The following NELL1 variants were observed in gnomAD, a reference collection of about 807,000 sequenced individuals.
NELL1 encodes the protein neural EGFL like 1.
A neutral mutation model predicts 107.4 loss-of-function variants in NELL1; 76 were observed. The observed-to-expected ratio is 0.71, with a 90% CI of 0.59 to 0.86. The LOEUF (loss-of-function observed/expected upper bound fraction) is 0.86. Among genes scored for constraint, NELL1 ranks in the 40% least tolerant of loss-of-function variants. The pLI is 0.00. For synonymous variants in NELL1, 353 were observed against 341.2 expected (o/e 1.03, Z -0.38); for missense variants, 1,024 against 1,005.5 (o/e 1.02, Z -0.25).
At chr11:20,966,968 C>A (rs750148705) in intron 12 of NELL1, among the ~76,000 whole-genome samples, 2 of 152,128 alleles carry the variant, frequency 1.3e-5, no homozygotes, top group Non-Finnish European at 2.9e-5. Flanking sequence ...AAGCTCTGCC[C>A]TTAGGAATGA....
At chr11:21,301,596 G>T (rs1405756948) in intron 14 of NELL1, among the ~76,000 whole-genome samples, 2 of 151,824 alleles carry the variant, frequency 1.3e-5, no homozygotes, top group African/African-American at 4.8e-5. Context: ...GGGGTTATTT[G>T]ATTTTTTCTT....
chr11:20,691,518 C>CT (rs1463481177), intron 2 of NELL1, among the ~76,000 whole-genome samples: 3 of 152,010 alleles, frequency 2.0e-5, no homozygotes, highest in Non-Finnish European at 2.9e-5. Context: ...TGTTGAAGGC[C>CT]TTTTTTGCAT....
chr11:21,062,994 A>ATG (rs138410271), intron 12 of NELL1, among the ~76,000 whole-genome samples: 22,440 of 150,762 alleles, frequency 0.15, 1,890 homozygotes, highest in Middle Eastern at 0.26. Flanking sequence ...AGCCCAGCTA[A>ATG]TGTGTGTGTG....
At chr11:21,553,360 T>C (rs998080489) in intron 16 of NELL1, among the ~76,000 whole-genome samples, 2 of 151,784 alleles carry the variant, frequency 1.3e-5, no homozygotes, top group African/African-American at 2.4e-5. Context: ...TAAATACTCA[T>C]TAAGGGAGAG....
intron 2 of NELL1, among the ~76,000 whole-genome samples, chr11:20,760,737 G>C (rs1468159066): frequency 6.6e-6 from 1 of 152,146 alleles, no homozygotes; most frequent in Non-Finnish European, 1.5e-5. Flanking sequence ...AGCAAGATTG[G>C]TATAGGCATA....
intron 13 of NELL1, among the ~76,000 whole-genome samples, chr11:21,129,323 T>C (rs777541579): frequency 6.6e-6 from 1 of 152,024 alleles, no homozygotes; most frequent in Non-Finnish European, 1.5e-5. Context: ...GTAGCCACCA[T>C]GGAAAATAGT....
At chr11:21,298,275 T>A (rs560461598) in intron 14 of NELL1, among the ~76,000 whole-genome samples, 2 of 152,060 alleles carry the variant, frequency 1.3e-5, no homozygotes, top group Non-Finnish European at 2.9e-5. Context: ...CATCAGTAGC[T>A]CTGCAAACCT....
At chr11:20,975,816 A>C (rs983948183) in intron 12 of NELL1, among the ~76,000 whole-genome samples, 3 of 133,214 alleles carry the variant, frequency 2.3e-5, no homozygotes, top group African/African-American at 8.4e-5. Flanking sequence ...TACATATTAT[A>C]TATGTATTAT....
intron 3 of NELL1, among the ~76,000 whole-genome samples, chr11:20,796,271 T>C (rs533145033): frequency 6.6e-6 from 1 of 152,330 alleles, no homozygotes; most frequent in South Asian, 2.1e-4. Context: ...TAAAAAAGCA[T>C]GTTTACCTTC....
intron 13 of NELL1, among the ~76,000 whole-genome samples, chr11:21,153,559 T>A (rs887891453): frequency 1.1e-4 from 16 of 152,134 alleles, no homozygotes; most frequent in African/African-American, 1.7e-4. Flanking sequence ...AAGAGGGCGT[T>A]GGGGAAATGG....
chr11:21,237,677 A>G lies in NELL1; in HGVS notation c.1549+8223A>G, dbSNP rs1004593134. Among the ~76,000 whole-genome samples the G allele has an allele frequency of 8.5e-5, 13 of 152,112 alleles. 1 individual carries two copies. The highest frequency in any genetic ancestry group is 8.5e-4 in the Admixed American group (13 of 15,232). On this transcript the variant is annotated intron_variant, in intron 14 of 19. Coordinates refer to ENST00000357134, the MANE Select transcript of NELL1 (RefSeq NM_006157.5). The stretch of plus-strand genomic sequence containing the variant: ...ACTGGAAAAAGACAAAGGTAGTCCA[A>G]TGATCAGACTATAGTCTGAATGGAA...
rs941474286 is a variant in NELL1 at position 20,729,133 on chromosome 11, CTGA to C, written c.184+51075_184+51077del. ...ACATTATTGGTATATAAAAATGCTA[CTGA>C]TTTTTTTTTAACATTGATTTTGTGT... On this transcript the variant is annotated intron_variant, in intron 2 of 19. Transcript: ENST00000357134. Among the ~76,000 whole-genome samples, 16 of 12,860 alleles carry C rather than the reference CTGA, an allele frequency of 1.2e-3. No homozygotes were observed. The East Asian group carries it at 0.1, about 80-fold the overall frequency. The allele number at this position is 12,860 out of a possible 152,430, so 8.4% of individuals were successfully genotyped here.
intron 3 of NELL1, among the ~76,000 whole-genome samples, chr11:20,807,407 CAG>C (rs1259856718): frequency 2.6e-5 from 4 of 152,232 alleles, no homozygotes; most frequent in East Asian, 1.9e-4. Context: ...CCCCAAAAAA[CAG>C]AGTCTCTCTC....
chr11:21,491,578 C>T lies in NELL1; in HGVS notation c.1646-42796C>T, dbSNP rs530681391. Among the ~76,000 whole-genome samples the T allele has an allele frequency of 1.1e-4, 16 of 152,190 alleles. No individual in the cohort carries two copies. In the South Asian group the frequency reaches 3.3e-3, roughly 32 times the overall value. On this transcript the variant is annotated intron_variant, in intron 15 of 19. Transcript: ENST00000357134. Reference sequence around the variant, plus strand: ...CTATATCTCTGTTTTGGTACCAGTACCATGCTGTTTGGGTTACTGTAGCTT... The same window carrying T: ...CTATATCTCTGTTTTGGTACCAGTATCATGCTGTTTGGGTTACTGTAGCTT...
At chr11:21,332,832 A>C (rs1391228611) in intron 14 of NELL1, among the ~76,000 whole-genome samples, 1 of 151,962 alleles carries the variant, frequency 6.6e-6, no homozygotes, top group African/African-American at 2.4e-5. Context: ...GAGAACAAAC[A>C]TTTTCCTAGA....
chr11:21,299,521 G>A (rs900563493), intron 14 of NELL1, among the ~76,000 whole-genome samples: 2 of 65,342 alleles, frequency 3.1e-5, no homozygotes, highest in Non-Finnish European at 4.5e-5. Context: ...ATGTGTGTGT[G>A]TGTGTGTGTG....
chr11:21,058,558 C>T (rs567362688), intron 12 of NELL1, among the ~76,000 whole-genome samples: 2 of 152,222 alleles, frequency 1.3e-5, no homozygotes, highest in East Asian at 3.9e-4. Flanking sequence ...CAGAGTGACA[C>T]TTAAGCCCCT....
chr11:21,267,875 T>C (rs1848665826), intron 14 of NELL1, among the ~76,000 whole-genome samples: 1 of 152,182 alleles, frequency 6.6e-6, no homozygotes, highest in African/African-American at 2.4e-5. Flanking sequence ...ATGTAGCTCC[T>C]CCTGCTCTGT....
At chr11:20,875,104 C>T (rs1025818287) in intron 4 of NELL1, among the ~76,000 whole-genome samples, 1 of 152,200 alleles carries the variant, frequency 6.6e-6, no homozygotes, top group African/African-American at 2.4e-5. Context: ...TCTCATGGTA[C>T]ACTTTAAGAT....
Sources: allele counts gnomAD v4.1 joint callset (sites outside exome capture counted in the v4.1 genomes callset), GRCh38; gene constraint gnomAD v4.1.1; transcripts MANE v1.5; gene names NCBI Gene and HGNC (gene_info 2026-07-23, HGNC 2026-07-21).